The following ZNRF3 variants were observed in gnomAD, a reference collection of about 807,000 sequenced individuals.
The protein encoded by ZNRF3 is E3 ubiquitin-protein ligase ZNRF3.
In ZNRF3, 23 loss-of-function variants were observed where a neutral mutation model predicts 72.5. That is an observed-to-expected ratio of 0.32 (90% CI 0.23 to 0.45). The LOEUF (loss-of-function observed/expected upper bound fraction) is 0.45. ZNRF3 is among the 20% of genes least tolerant of loss of function. The probability of loss-of-function intolerance (pLI) is 1.00; values close to 1 mark genes in which losing one functional copy is unlikely to be tolerated. For synonymous variants in ZNRF3, 610 were observed against 545.3 expected, an observed-to-expected ratio of 1.12 and a Z score of -1.65; for missense variants, 1,169 against 1,272.1, an observed-to-expected ratio of 0.92 and a Z score of 1.23.
At chr22:29,042,356 A>G (rs2036979618) in intron 2 of ZNRF3, 139 bp from the exon 3 acceptor site, 1 of 624,168 alleles carries the variant, frequency 1.6e-6, no homozygotes, top group African/African-American at 1.9e-5. Context: ...AGGATTAGGA[A>G]AGTGAAGTAA....
chr22:29,021,383 CA>C (rs950723988), intron 2 of ZNRF3, among the ~76,000 whole-genome samples: 5 of 152,092 alleles, frequency 3.3e-5, no homozygotes, highest in Non-Finnish European at 7.3e-5. Context: ...TAAATGCATT[CA>C]CATGGTGAAA....
At chr22:28,907,773 G>A (rs2123758160) in intron 1 of ZNRF3, among the ~76,000 whole-genome samples, 1 of 152,330 alleles carries the variant, frequency 6.6e-6, no homozygotes, top group Middle Eastern at 3.4e-3. Context: ...CACAGCGCAT[G>A]GTGCAGAGTG....
At chr22:28,988,824 T>G (rs1177268646) in intron 2 of ZNRF3, among the ~76,000 whole-genome samples, 1 of 152,194 alleles carries the variant, frequency 6.6e-6, no homozygotes, top group Admixed American at 6.5e-5. Context: ...TGCCCCGGTC[T>G]GGTGGGGCTC....
chr22:28,900,795 G>C (rs1483776362), intron 1 of ZNRF3, among the ~76,000 whole-genome samples: 8 of 152,296 alleles, frequency 5.3e-5, no homozygotes, highest in African/African-American at 1.7e-4. Flanking sequence ...TTCCGGGCAG[G>C]GTTGGTGTTT....
chr22:29,049,829 G>T lies in ZNRF3; in HGVS notation c.1648G>T (p.Asp550Tyr). The change falls in exon 8 of 9, where the codon GAC becomes TAC. Residue 550 changes from aspartate (D) to tyrosine (Y), a missense_variant. By Grantham distance (160) the Asp-to-Tyr change is radical. This residue lies in a region of ZNRF3 where 783 missense variants were observed against 731.4 expected (regional missense o/e 1.07). Transcript: ENST00000544604. The surrounding 1 kb of genome is among the most constrained non-coding windows in gnomAD (Gnocchi z 5.2). ...SGYLADCPGSDSSSSSSSGQC... is the reference protein window; with the variant it reads ...SGYLADCPGSYSSSSSSSGQC... ...CTACCTGGCCGACTGCCCAGGCAGC[G>T]ACAGCAGCAGCAGCAGCAGCTCCGG... 1 of 1,608,954 alleles carries T rather than the reference G, an allele frequency of 6.2e-7. No homozygotes were observed. Among genetic ancestry groups the T allele is most frequent in the East Asian group, 2.2e-5 (1 of 44,800 alleles).
chr22:28,937,871 AC>A (rs1220206247), intron 1 of ZNRF3, among the ~76,000 whole-genome samples: 3 of 152,226 alleles, frequency 2.0e-5, no homozygotes, highest in African/African-American at 7.2e-5. Context: ...TAAAAAAACA[AC>A]CTTCTTTCTT....
chr22:29,024,750 G>A (rs534450674), intron 2 of ZNRF3, among the ~76,000 whole-genome samples: 6 of 152,140 alleles, frequency 3.9e-5, no homozygotes, highest in African/African-American at 1.4e-4. Context: ...ACAGGACTGG[G>A]CCTTGGTGTA....
At chr22:28,929,438 C>T (rs1371276964) in intron 1 of ZNRF3, among the ~76,000 whole-genome samples, 1 of 152,170 alleles carries the variant, frequency 6.6e-6, no homozygotes, top group Non-Finnish European at 1.5e-5. Flanking sequence ...AACCTCCTTC[C>T]CAGTTATGAC....
At position 28,958,878 on chromosome 22, in the gene ZNRF3, G is replaced by A. The variant is rs572785013; in HGVS notation, c.301-28198G>A. 1.9e-4 allele frequency among the ~76,000 whole-genome samples: 29 copies of A among 152,288 alleles called. 2 individuals are homozygous for A. In the South Asian group the frequency reaches 5.6e-3, roughly 29 times the overall value. Reference sequence around the variant, plus strand: ...TGCATCTGGTACTTTTAGTCCTTGCGTCTTACAGCAAAGATTAAATGGTAC... The same window carrying A: ...TGCATCTGGTACTTTTAGTCCTTGCATCTTACAGCAAAGATTAAATGGTAC... On this transcript the variant is annotated intron_variant, in intron 1 of 8. Coordinates refer to ENST00000544604, the MANE Select transcript of ZNRF3 (RefSeq NM_001206998.2).
At chr22:28,988,920 GA>G (rs773417899) in intron 2 of ZNRF3, among the ~76,000 whole-genome samples, 10 of 152,154 alleles carry the variant, frequency 6.6e-5, no homozygotes, top group Non-Finnish European at 1.3e-4. Context: ...TAGCGGTGGG[GA>G]AACTTGCTGA....
At chr22:29,040,646 G>A (rs2036945554) in intron 2 of ZNRF3, among the ~76,000 whole-genome samples, 1 of 152,230 alleles carries the variant, frequency 6.6e-6, no homozygotes, top group African/African-American at 2.4e-5. Flanking sequence ...ATGAAACAGG[G>A]TGTGGTGGAC....
At position 29,048,442 on chromosome 22, in the gene ZNRF3, C is replaced by G. The variant is rs764232191; in HGVS notation, c.966C>G (p.Pro322=). 18 of 1,614,090 alleles carry G rather than the reference C, an allele frequency of 1.1e-5. No individual in the cohort carries two copies. Among genetic ancestry groups the G allele is most frequent in the Non-Finnish European group, 1.5e-5 (18 of 1,180,032 alleles). Residue 322 remains proline (P), a synonymous_variant, in exon 7 of 9, where the codon CCC becomes CCG. Transcript: ENST00000544604. This position sits in a 1 kb window ranked among gnomAD's most constrained non-coding sequence, Gnocchi z 4.9. ...THRFHRKCVD[P]WLLQHHTCPH... ...GGTTTCACAGGAAGTGCGTGGACCCCTGGCTGCTGCAGCACCACACCTGCC... is the reference window on the plus strand; with the variant it reads ...GGTTTCACAGGAAGTGCGTGGACCCGTGGCTGCTGCAGCACCACACCTGCC...
chr22:29,048,312 T>C lies in ZNRF3; in HGVS notation c.913-77T>C. 1 of 1,219,494 alleles carries C rather than the reference T, an allele frequency of 8.2e-7. No homozygotes were observed. 75.5% of individuals were successfully genotyped at this position (1,219,494 alleles called of 1,614,324 possible). On this transcript the variant is annotated intron_variant, in intron 6 of 8. Coordinates refer to ENST00000544604, the MANE Select transcript of ZNRF3 (RefSeq NM_001206998.2). The surrounding 1 kb of genome is among the most constrained non-coding windows in gnomAD (Gnocchi z 4.9). ...CACGGGCATGCTGTGCAGAACTCCTTGGTCTATGCTGGACTCTGCAGGAGG... is the reference window on the plus strand; with the variant it reads ...CACGGGCATGCTGTGCAGAACTCCTCGGTCTATGCTGGACTCTGCAGGAGG...
At chr22:29,035,875 C>T (rs2103544) in intron 2 of ZNRF3, among the ~76,000 whole-genome samples, 67,361 of 151,964 alleles carry the variant, frequency 0.44, 15,402 homozygotes, top group Non-Finnish European at 0.5. Flanking sequence ...CCACTGCGCC[C>T]GGCCTTAAAC....
intron 1 of ZNRF3, among the ~76,000 whole-genome samples, chr22:28,950,809 A>G (rs1426649316): frequency 6.6e-6 from 1 of 152,238 alleles, no homozygotes; most frequent in African/African-American, 2.4e-5. Flanking sequence ...TGGAATTGTA[A>G]GGTGAGCCCA....
At chr22:28,954,604 C>G (rs922038605) in intron 1 of ZNRF3, among the ~76,000 whole-genome samples, 8 of 152,014 alleles carry the variant, frequency 5.3e-5, no homozygotes, top group African/African-American at 1.7e-4. Flanking sequence ...TTCTTGGATG[C>G]TTTTCTTGTT....
At chr22:28,894,750 G>A (rs771030966) in intron 1 of ZNRF3, among the ~76,000 whole-genome samples, 1 of 152,200 alleles carries the variant, frequency 6.6e-6, no homozygotes, top group Non-Finnish European at 1.5e-5. Context: ...TTGAGCCCAA[G>A]CACCAGACTC....
Position 28,934,524 on chromosome 22 carries a change from G to A in ZNRF3, c.300+50458G>A, listed in dbSNP as rs1172098771. On this transcript the variant is annotated intron_variant, in intron 1 of 8. Coordinates refer to ENST00000544604, the MANE Select transcript of ZNRF3 (RefSeq NM_001206998.2). The stretch of plus-strand genomic sequence containing the variant: ...TCATTAAAATCTAAACAGCGAAAAA[G>A]TATATCGATTAGGTTGGGCGCGGTG... Among the ~76,000 whole-genome samples, 10 of 152,158 alleles carry A rather than the reference G, an allele frequency of 6.6e-5. No individual in the cohort carries two copies. The East Asian group carries it at 7.7e-4, about 12-fold the overall frequency.
Position 29,053,703 on chromosome 22 carries a change from A to G in ZNRF3, c.*81A>G, listed in dbSNP as rs2037250603. 2 of 1,443,546 alleles carry G rather than the reference A, an allele frequency of 1.4e-6. No individual in the cohort carries two copies. The highest frequency in any genetic ancestry group is 2.2e-5 in the Admixed American group (1 of 45,424). 89.4% of individuals were successfully genotyped at this position (1,443,546 alleles called of 1,614,324 possible). On this transcript the variant is annotated 3_prime_UTR_variant, in exon 9 of 9. Coordinates refer to ENST00000544604, the MANE Select transcript of ZNRF3 (RefSeq NM_001206998.2). Reference sequence around the variant, plus strand: ...CTTCTTTCAAAAAACAAAAACAAAAAATTTTTTTAGCTTTGACAAACACAC... The same window carrying G: ...CTTCTTTCAAAAAACAAAAACAAAAGATTTTTTTAGCTTTGACAAACACAC...
Sources: gnomAD v4.1 joint callset for allele counts (sites outside exome capture counted in the v4.1 genomes callset) on GRCh38, gnomAD v4.1.1 for gene constraint, gnomAD v4.1.1 regional missense constraint, Gnocchi (gnomAD v3.1) non-coding constraint, MANE v1.5 for transcripts, NCBI Gene and HGNC (gene_info 2026-07-23, HGNC 2026-07-21) for gene names.